The following EVC2 variants were observed in gnomAD, a reference collection of about 807,000 sequenced individuals.
The protein encoded by EVC2 is limbin.
A neutral mutation model predicts 149.3 loss-of-function variants in EVC2; 148 were observed. The ratio of observed to expected loss-of-function variants is 0.99; its 90% CI spans 0.87 to 1.14. The LOEUF (loss-of-function observed/expected upper bound fraction) is 1.14. Ranked by LOEUF, EVC2 falls within the 50% of genes most tolerant of loss-of-function variation. The pLI is 0.00. For synonymous variants in EVC2, 776 were observed against 649.9 expected, an observed-to-expected ratio of 1.19 and a Z score of -2.95; for missense variants, 1,854 against 1,627.3, an observed-to-expected ratio of 1.14 and a Z score of -2.40.
intron 14 of EVC2, among the ~76,000 whole-genome samples, chr4:5,619,606 G>T (rs1715531217): frequency 6.6e-6 from 1 of 152,208 alleles, no homozygotes; most frequent in Non-Finnish European, 1.5e-5. Context: ...TAAGCCACCA[G>T]TTTGTGGTAC....
chr4:5,672,771 A>G (rs1158232090), intron 7 of EVC2, among the ~76,000 whole-genome samples: 8 of 152,252 alleles, frequency 5.3e-5, no homozygotes, highest in Non-Finnish European at 1.2e-4. Flanking sequence ...CCTGATGAAT[A>G]AAGAACATGT....
At chr4:5,610,814 C>T (rs1714759714) in intron 16 of EVC2, among the ~76,000 whole-genome samples, 1 of 102,342 alleles carries the variant, frequency 9.8e-6, no homozygotes, top group Middle Eastern at 5.0e-3. Flanking sequence ...TTTTTTTTGC[C>T]AAATGCCTCC....
At chr4:5,701,450 A>C (rs1721819714) in intron 1 of EVC2, among the ~76,000 whole-genome samples, 1 of 152,044 alleles carries the variant, frequency 6.6e-6, no homozygotes, top group Non-Finnish European at 1.5e-5. Flanking sequence ...TCCCTTCCTG[A>C]AATGCTCTCC....
chr4:5,566,466 T>C (rs558493738), intron 20 of EVC2, among the ~76,000 whole-genome samples: 21 of 152,212 alleles, frequency 1.4e-4, no homozygotes, highest in Non-Finnish European at 3.1e-4. Context: ...ACACTGGCTC[T>C]TTCCTGGATT....
the EVC2 span, among the ~76,000 whole-genome samples, chr4:5,529,375 GACA>G: frequency 6.6e-6 from 1 of 152,270 alleles, no homozygotes; most frequent in Admixed American, 6.5e-5. This position sits in a 1 kb window ranked among gnomAD's most constrained non-coding sequence, Gnocchi z 4.5. Context: ...TTACCTCCAA[GACA>G]ACAACCAAGT....
intron 16 of EVC2, among the ~76,000 whole-genome samples, chr4:5,592,924 A>G (rs1712954392): frequency 1.3e-5 from 2 of 152,046 alleles, no homozygotes; most frequent in African/African-American, 4.8e-5. Context: ...CATAATCCCC[A>G]CCTGTCATAG....
At chr4:5,592,163 G>A (rs1365446976) in intron 16 of EVC2, among the ~76,000 whole-genome samples, 1 of 152,130 alleles carries the variant, frequency 6.6e-6, no homozygotes, top group Non-Finnish European at 1.5e-5. Flanking sequence ...TGGAGAATGT[G>A]GCTCACATCT....
chr4:5,701,653 C>G (rs76181588), intron 1 of EVC2, among the ~76,000 whole-genome samples: 2 of 152,156 alleles, frequency 1.3e-5, no homozygotes, highest in Non-Finnish European at 2.9e-5. Context: ...TATACACTGA[C>G]TATTCCCCCA....
In EVC2 at chr4:5,631,883, G is replaced by A. The variant is rs768068789; in HGVS notation, c.1620C>T (p.Ile540=). The A allele has an allele frequency of 4.3e-6, 7 of 1,614,100 alleles. No individual in the cohort carries two copies. The East Asian group carries it at 1.6e-4, about 36-fold the overall frequency. The change falls in exon 11 of 22, where the codon ATC becomes ATT. Residue 540 remains isoleucine (I), a synonymous_variant. Coordinates refer to ENST00000344408, the MANE Select transcript of EVC2 (RefSeq NM_147127.5). ...TAGCACTTTTTATCTGGGTAAAAAA[G>A]ATACTGTGCAGTTCATTTCTCTGGA... ...AVFQRNELHS[I]FFTQIKSAIF...
At chr4:5,548,682 A>G (rs1721670243) in intron 21 of EVC2, among the ~76,000 whole-genome samples, 3 of 152,178 alleles carry the variant, frequency 2.0e-5, no homozygotes, top group African/African-American at 7.2e-5. Flanking sequence ...AGCCAGAAAT[A>G]TGATTACAAG....
At position 5,657,563 on chromosome 4, in the gene EVC2, C is replaced by A. The variant is rs1228391514; in HGVS notation, c.1145+5544G>T. Reference sequence around the variant, plus strand: ...ATCTTTGCTATCATGTACCTTATAGCCTCAAATTTTCTCTGCAGGCGACTT... The same window carrying A: ...ATCTTTGCTATCATGTACCTTATAGACTCAAATTTTCTCTGCAGGCGACTT... On this transcript the variant is annotated intron_variant, in intron 9 of 21. Transcript: ENST00000344408. This position sits in a 1 kb window ranked among gnomAD's most constrained non-coding sequence, Gnocchi z 4.7. Among the ~76,000 whole-genome samples the A allele has an allele frequency of 6.6e-6, 1 of 151,760 alleles. No homozygotes were observed. The highest frequency in any genetic ancestry group is 2.4e-5 in the African/African-American group (1 of 41,270).
chr4:5,652,592 C>A (rs1718224616), intron 9 of EVC2, among the ~76,000 whole-genome samples: 1 of 152,172 alleles, frequency 6.6e-6, no homozygotes, highest in African/African-American at 2.4e-5. Context: ...TCCTCAGGAG[C>A]ATCCTCCAGC....
intron 7 of EVC2, among the ~76,000 whole-genome samples, chr4:5,674,603 GATGCTGGTCA>G (rs1719874437): frequency 6.6e-6 from 1 of 152,198 alleles, no homozygotes; most frequent in Admixed American, 6.5e-5. Flanking sequence ...ACAGCGTGCA[GATGCTGGTCA>G]GGGTCCAGCA....
At chr4:5,559,045 A>G (rs1721891304), downstream of EVC2, among the ~76,000 whole-genome samples, 2 of 152,010 alleles carry the variant, frequency 1.3e-5, no homozygotes, top group Admixed American at 6.6e-5. This position sits in a 1 kb window ranked among gnomAD's most constrained non-coding sequence, Gnocchi z 5.0. Context: ...CAAACAAACA[A>G]ACAAACAAAC....
rs1256213366 is a variant in EVC2, at chr4:5,657,690, A to G, written c.1145+5417T>C. Among the ~76,000 whole-genome samples the G allele has an allele frequency of 6.6e-6, 1 of 151,892 alleles. No individual in the cohort carries two copies. The highest frequency in any genetic ancestry group is 6.6e-5 in the Admixed American group (1 of 15,244). On this transcript the variant is annotated intron_variant, in intron 9 of 21. Transcript: ENST00000344408. The surrounding 1 kb of genome is among the most constrained non-coding windows in gnomAD (Gnocchi z 4.7). ...CAAGACAGAAGGTCCCTGCACTCAC[A>G]TAACTTACTGCTCAGGTGGGTAAGA...
chr4:5,678,920 A>C (rs571756564), intron 7 of EVC2, among the ~76,000 whole-genome samples: 1 of 152,158 alleles, frequency 6.6e-6, no homozygotes, highest in Non-Finnish European at 1.5e-5. Flanking sequence ...AATCCCAGCT[A>C]CTTGGGAGGC....
At chr4:5,659,911 T>C (rs1718770765) in intron 9 of EVC2, among the ~76,000 whole-genome samples, 1 of 152,222 alleles carries the variant, frequency 6.6e-6, no homozygotes, top group Non-Finnish European at 1.5e-5. Context: ...GCTGATTGCA[T>C]GATCCAAATC....
chr4:5,706,321 C>CATAGATACATAGATAGATAGATAGATAG, intron 1 of EVC2, among the ~76,000 whole-genome samples: 1 of 26,510 alleles, frequency 3.8e-5, no homozygotes, highest in Non-Finnish European at 7.9e-5. Flanking sequence ...TAGATAGATA[C>CATAGATACATAGATAGATAGATAGATAG]ATAGATAGAT....
At chr4:5,654,793 C>T (rs1011708634) in intron 9 of EVC2, among the ~76,000 whole-genome samples, 2 of 152,124 alleles carry the variant, frequency 1.3e-5, no homozygotes, top group African/African-American at 2.4e-5. Context: ...GCCCCTATGG[C>T]CATAACTAAG....
Sources: allele counts gnomAD v4.1 joint callset (sites outside exome capture counted in the v4.1 genomes callset), GRCh38; gene constraint gnomAD v4.1.1; non-coding constraint Gnocchi (gnomAD v3.1); transcripts MANE v1.5; gene names NCBI Gene and HGNC (gene_info 2026-07-23, HGNC 2026-07-21).